The following KCNJ3 variants were observed in gnomAD, a reference collection of about 807,000 sequenced individuals.
KCNJ3 encodes G protein-activated inward rectifier potassium channel 1.
In KCNJ3, 4 loss-of-function variants were observed where a neutral mutation model predicts 39.2. The ratio of observed to expected loss-of-function variants is 0.10; its 90% CI spans 0.05 to 0.23. The LOEUF (loss-of-function observed/expected upper bound fraction) is 0.23. KCNJ3 is among the 10% of genes least tolerant of loss of function. The probability of loss-of-function intolerance (pLI) is 1.00; values close to 1 mark genes in which losing one functional copy is unlikely to be tolerated. For synonymous variants in KCNJ3, 230 were observed against 237.4 expected (o/e 0.97, Z 0.29); for missense variants, 276 against 634.9 (o/e 0.43, Z 6.08).
At chr2:154,702,044 T>C (rs541388689) in intron 1 of KCNJ3, among the ~76,000 whole-genome samples, 11 of 152,148 alleles carry the variant, frequency 7.2e-5, no homozygotes, top group African/African-American at 2.6e-4. Flanking sequence ...TCATTTTCTC[T>C]TAAGAACTGA....
chr2:154,801,105 A>C (rs1686810496), intron 2 of KCNJ3, among the ~76,000 whole-genome samples: 1 of 152,182 alleles, frequency 6.6e-6, no homozygotes, highest in Non-Finnish European at 1.5e-5. Context: ...CAGATGCCTG[A>C]GTTTAAAACC....
chr2:154,750,606 C>T (rs903535732), intron 2 of KCNJ3, among the ~76,000 whole-genome samples: 2 of 151,912 alleles, frequency 1.3e-5, no homozygotes, highest in African/African-American at 2.4e-5. Context: ...TAAGCAACAA[C>T]AATAAAAACC....
chr2:154,734,539 A>C (rs1685492425), intron 2 of KCNJ3, among the ~76,000 whole-genome samples: 1 of 152,218 alleles, frequency 6.6e-6, no homozygotes, highest in Non-Finnish European at 1.5e-5. Flanking sequence ...TGTGTCCTAT[A>C]AAGAAACCAG....
chr2:154,754,894 A>C (rs953846780), intron 2 of KCNJ3, among the ~76,000 whole-genome samples: 1 of 152,176 alleles, frequency 6.6e-6, no homozygotes, highest in African/African-American at 2.4e-5. Context: ...AGCAGGTTTT[A>C]ATTGCAAATA....
At chr2:154,753,226 C>T (rs1685879955) in intron 2 of KCNJ3, among the ~76,000 whole-genome samples, 1 of 152,030 alleles carries the variant, frequency 6.6e-6, no homozygotes, top group South Asian at 2.1e-4. Flanking sequence ...TCCCCTGTTA[C>T]TTTCAATACA....
At chr2:154,784,426 G>A (rs952419088) in intron 2 of KCNJ3, among the ~76,000 whole-genome samples, 2 of 152,214 alleles carry the variant, frequency 1.3e-5, no homozygotes, top group Admixed American at 6.5e-5. Flanking sequence ...AGCCCAGGCA[G>A]GAGTGCAGTG....
At chr2:154,815,701 A>G (rs1033732191) in intron 2 of KCNJ3, among the ~76,000 whole-genome samples, 4 of 152,246 alleles carry the variant, frequency 2.6e-5, no homozygotes, top group Non-Finnish European at 5.9e-5. Flanking sequence ...TGAGGCCTGC[A>G]TAAGCAGACT....
intron 2 of KCNJ3, among the ~76,000 whole-genome samples, chr2:154,848,697 T>A (rs1012991242): frequency 6.6e-6 from 1 of 152,152 alleles, no homozygotes; most frequent in Admixed American, 6.5e-5. Flanking sequence ...ATTCTTAATA[T>A]AATTTTCAAG....
At chr2:154,818,591 C>T (rs917052831) in intron 2 of KCNJ3, among the ~76,000 whole-genome samples, 5 of 152,128 alleles carry the variant, frequency 3.3e-5, no homozygotes, top group Non-Finnish European at 5.9e-5. Flanking sequence ...GAAACTGAAG[C>T]TTAGAGAGAC....
intron 2 of KCNJ3, among the ~76,000 whole-genome samples, chr2:154,790,931 A>G (rs781151526): frequency 1.3e-5 from 2 of 152,092 alleles, no homozygotes; most frequent in Non-Finnish European, 2.9e-5. Context: ...AGAAAATAAT[A>G]AGAGATTACC....
chr2:154,724,192 A>G (rs192714650), intron 2 of KCNJ3, among the ~76,000 whole-genome samples: 5 of 152,268 alleles, frequency 3.3e-5, no homozygotes, highest in African/African-American at 1.2e-4. Context: ...AATCAGTCTC[A>G]TGGTGACAAT....
intron 2 of KCNJ3, among the ~76,000 whole-genome samples, chr2:154,822,702 TTAGA>T: frequency 6.6e-6 from 1 of 152,128 alleles, no homozygotes; most frequent in African/African-American, 2.4e-5. Flanking sequence ...AATATGCTAA[TTAGA>T]TATTTTTAAA....
chr2:154,843,678 T>A (rs1045323709), intron 2 of KCNJ3, among the ~76,000 whole-genome samples: 2 of 152,208 alleles, frequency 1.3e-5, no homozygotes, highest in African/African-American at 2.4e-5. Context: ...ACATTTTATT[T>A]CATTGATTTG....
chr2:154,705,306 A>G (rs1684984511), intron 1 of KCNJ3, among the ~76,000 whole-genome samples: 1 of 152,200 alleles, frequency 6.6e-6, no homozygotes, highest in South Asian at 2.1e-4. Flanking sequence ...CGCTTGTGCC[A>G]GGGCAGTGCT....
intron 2 of KCNJ3, among the ~76,000 whole-genome samples, chr2:154,717,802 T>G (rs984616303): frequency 6.6e-6 from 1 of 152,204 alleles, no homozygotes; most frequent in East Asian, 1.9e-4. Context: ...TCTTAATGAT[T>G]TGACAATGTT....
intron 2 of KCNJ3, among the ~76,000 whole-genome samples, chr2:154,728,103 C>A (rs1429763833): frequency 2.6e-5 from 4 of 151,878 alleles, no homozygotes; most frequent in Non-Finnish European, 4.4e-5. Context: ...TCATTAAATT[C>A]TATTTCATTA....
intron 2 of KCNJ3, among the ~76,000 whole-genome samples, chr2:154,838,031 T>TGTAA (rs1344445055): frequency 1.5e-4 from 23 of 152,342 alleles, no homozygotes; most frequent in African/African-American, 4.6e-4. Flanking sequence ...AACTCAAGTA[T>TGTAA]GTAAGTCATT....
At chr2:154,709,448 A>G in intron 1 of KCNJ3, 155 bp from the exon 2 acceptor site, 1 of 729,592 alleles carries the variant, frequency 1.4e-6, no homozygotes, top group East Asian at 2.7e-5. Context: ...ATTTCGGCCC[A>G]TTTGCTAGAA....
intron 2 of KCNJ3, among the ~76,000 whole-genome samples, chr2:154,732,014 G>A (rs933675859): frequency 3.3e-5 from 5 of 151,886 alleles, no homozygotes; most frequent in African/African-American, 1.2e-4. Flanking sequence ...CCATGAGTTA[G>A]GCAATATTTC....
Sources: allele counts gnomAD v4.1 joint callset (sites outside exome capture counted in the v4.1 genomes callset), GRCh38; gene constraint gnomAD v4.1.1; transcripts MANE v1.5; gene names NCBI Gene and HGNC (gene_info 2026-07-23, HGNC 2026-07-21).